Variants in RSPO2 observed in about 807,000 individuals in gnomAD.
The protein encoded by RSPO2 is R-spondin-2.
In RSPO2, 14 loss-of-function variants were observed where a neutral mutation model predicts 30.9. The observed-to-expected ratio is 0.45, with a 90% CI of 0.30 to 0.71. The LOEUF (loss-of-function observed/expected upper bound fraction) is 0.71, where lower values mean the gene tolerates loss of function less well. RSPO2 is among the 30% of genes least tolerant of loss of function. The pLI, the probability that RSPO2 is intolerant of heterozygous loss-of-function variation, is 0.08. For synonymous variants in RSPO2, 107 were observed against 96.4 expected, an observed-to-expected ratio of 1.11 and a Z score of -0.64; for missense variants, 264 against 301.9, an observed-to-expected ratio of 0.87 and a Z score of 0.93.
At chr8:108,038,231 GGAGT>G (rs1481812254) in intron 2 of RSPO2, among the ~76,000 whole-genome samples, 3 of 152,156 alleles carry the variant, frequency 2.0e-5, no homozygotes, top group African/African-American at 4.8e-5. Flanking sequence ...AAACTTCAGT[GGAGT>G]GAGTAATTGC....
intron 2 of RSPO2, among the ~76,000 whole-genome samples, chr8:108,011,134 G>GAAAAAA (rs66722934): frequency 2.0e-5 from 2 of 100,442 alleles, no homozygotes; most frequent in Non-Finnish European, 3.9e-5. Flanking sequence ...CTCCGTCCCA[G>GAAAAAA]AAAAAAAAAA....
intron 3 of RSPO2, among the ~76,000 whole-genome samples, chr8:107,975,407 T>C (rs988925013): frequency 1.3e-5 from 2 of 152,218 alleles, no homozygotes; most frequent in African/African-American, 2.4e-5. Context: ...ACTCTAGTAT[T>C]ATCTCCGCTA....
intron 5 of RSPO2, among the ~76,000 whole-genome samples, chr8:107,930,566 T>C (rs1350595904): frequency 6.6e-6 from 1 of 152,204 alleles, no homozygotes; most frequent in Non-Finnish European, 1.5e-5. Context: ...GCATTTTTCA[T>C]GATATGCAGA....
intron 2 of RSPO2, among the ~76,000 whole-genome samples, chr8:108,024,839 G>A (rs945606148): frequency 1.3e-5 from 2 of 152,090 alleles, no homozygotes; most frequent in African/African-American, 4.8e-5. Flanking sequence ...GCGTGACATG[G>A]AAAAACACAA....
intron 5 of RSPO2, among the ~76,000 whole-genome samples, chr8:107,937,888 C>G (rs1389986): frequency 0.11 from 17,035 of 152,056 alleles, 1,020 homozygotes; most frequent in East Asian, 0.2. Flanking sequence ...ATATTTTCAG[C>G]AGACCAGTTA....
At chr8:107,959,373 C>T (rs1304581580) in intron 4 of RSPO2, among the ~76,000 whole-genome samples, 3 of 152,080 alleles carry the variant, frequency 2.0e-5, no homozygotes, top group Non-Finnish European at 2.9e-5. Flanking sequence ...AAATAGGCTA[C>T]CCCCCAACTC....
chr8:108,060,984 T>C (rs550300335), intron 2 of RSPO2, among the ~76,000 whole-genome samples: 58 of 151,900 alleles, frequency 3.8e-4, no homozygotes, highest in African/African-American at 1.4e-3. Flanking sequence ...AAGCAAATGC[T>C]GAGAGATTCT....
intron 2 of RSPO2, among the ~76,000 whole-genome samples, chr8:108,028,161 C>T (rs1811283896): frequency 3.9e-5 from 6 of 152,160 alleles, no homozygotes. Context: ...CAAATCAGGA[C>T]ATTTGGTCAC....
intron 2 of RSPO2, among the ~76,000 whole-genome samples, chr8:108,005,299 CT>C (rs1815415364): frequency 6.6e-6 from 1 of 152,012 alleles, no homozygotes; most frequent in Non-Finnish European, 1.5e-5. Context: ...CTATTTTTTT[CT>C]TCTGTAATTG....
chr8:108,042,138 G>C (rs56813956), intron 2 of RSPO2, among the ~76,000 whole-genome samples: 1 of 151,982 alleles, frequency 6.6e-6, no homozygotes, highest in African/African-American at 2.4e-5. Context: ...AGGTCACTTC[G>C]TCAGGTAATT....
At chr8:107,978,193 C>T (rs565974831) in intron 3 of RSPO2, among the ~76,000 whole-genome samples, 59 of 152,190 alleles carry the variant, frequency 3.9e-4, no homozygotes, top group African/African-American at 1.4e-3. Context: ...TTTGGGAAGC[C>T]GAGGCGGGCA....
intron 2 of RSPO2, among the ~76,000 whole-genome samples, chr8:108,057,694 G>GA (rs1295714275): frequency 6.6e-5 from 10 of 151,924 alleles, no homozygotes; most frequent in South Asian, 6.2e-4. Context: ...AGGTAGAAGA[G>GA]AAAAAAAATC....
At chr8:107,986,987 A>G (rs775167092) in intron 3 of RSPO2, among the ~76,000 whole-genome samples, 1 of 152,234 alleles carries the variant, frequency 6.6e-6, no homozygotes, top group Non-Finnish European at 1.5e-5. Flanking sequence ...AAGCCAGTCT[A>G]CAACTGGTGG....
intron 2 of RSPO2, among the ~76,000 whole-genome samples, chr8:108,054,563 G>A (rs1812182716): frequency 1.3e-5 from 2 of 152,204 alleles, no homozygotes. Context: ...TCTAGCGACA[G>A]CCCCAAGAGG....
chr8:107,970,870 G>C (rs1208248367), intron 3 of RSPO2, among the ~76,000 whole-genome samples: 2 of 152,156 alleles, frequency 1.3e-5, no homozygotes, highest in African/African-American at 2.4e-5. Context: ...ATTTTTAATT[G>C]CTCTGTTTGT....
intron 2 of RSPO2, among the ~76,000 whole-genome samples, chr8:108,018,527 T>A (rs931774720): frequency 6.6e-6 from 1 of 152,224 alleles, no homozygotes; most frequent in Non-Finnish European, 1.5e-5. Context: ...TAGTTTAAGC[T>A]ATTCCAGCAT....
intron 4 of RSPO2, among the ~76,000 whole-genome samples, 199 bp from the exon 5 acceptor site, chr8:107,958,467 T>A (rs1813505179): frequency 6.6e-6 from 1 of 152,160 alleles, no homozygotes; most frequent in African/African-American, 2.4e-5. Context: ...GATATTTCTA[T>A]CAAAAAAAAG....
intron 2 of RSPO2, among the ~76,000 whole-genome samples, chr8:108,029,689 CCAAA>C (rs955047150): frequency 2.6e-5 from 4 of 152,134 alleles, no homozygotes; most frequent in Non-Finnish European, 4.4e-5. Flanking sequence ...AAAAGATGCA[CCAAA>C]CATTTTTTCC....
intron 2 of RSPO2, among the ~76,000 whole-genome samples, chr8:108,008,063 C>T (rs986272599): frequency 6.6e-6 from 1 of 152,148 alleles, no homozygotes; most frequent in African/African-American, 2.4e-5. Flanking sequence ...CATGCCTGCA[C>T]ACACATACAC....
Sources: gnomAD v4.1 joint callset for allele counts (sites outside exome capture counted in the v4.1 genomes callset) on GRCh38, gnomAD v4.1.1 for gene constraint, MANE v1.5 for transcripts, NCBI Gene and HGNC (gene_info 2026-07-23, HGNC 2026-07-21) for gene names.